UNC13C: variants seen among roughly 807,000 people sequenced by gnomAD.
UNC13C encodes protein unc-13 homolog C.
In UNC13C, 174 loss-of-function variants were observed where a neutral mutation model predicts 245.4. That is an observed-to-expected ratio of 0.71 (90% confidence interval 0.63 to 0.80). The LOEUF (loss-of-function observed/expected upper bound fraction) is 0.80. Among genes scored for constraint, UNC13C ranks in the 30% least tolerant of loss-of-function variants. UNC13C has a pLI of 0.00. For synonymous variants in UNC13C, 992 were observed against 895.1 expected, an observed-to-expected ratio of 1.11 and a Z score of -1.93; for missense variants, 2,829 against 2,602.9, an observed-to-expected ratio of 1.09 and a Z score of -1.89.
At chr15:53,882,551 AG>A in the UNC13C span, among the ~76,000 whole-genome samples, 2 of 152,290 alleles carry the variant, frequency 1.3e-5, no homozygotes, top group African/African-American at 4.8e-5. Flanking sequence ...TAGTCCTTTA[AG>A]AAAAGACATT....
chr15:54,285,936 G>A (rs559924960), intron 10 of UNC13C, among the ~76,000 whole-genome samples: 5 of 152,022 alleles, frequency 3.3e-5, no homozygotes, highest in African/African-American at 1.2e-4. Flanking sequence ...GGAGTGCAGT[G>A]GTGTTATCTC....
intron 2 of UNC13C, among the ~76,000 whole-genome samples, chr15:54,095,760 A>T (rs138484194): frequency 1.3e-5 from 2 of 152,244 alleles, no homozygotes; most frequent in African/African-American, 4.8e-5. Flanking sequence ...CAACAGTATT[A>T]TTCAACAAAT....
At chr15:54,133,055 T>C (rs2031524753) in intron 2 of UNC13C, among the ~76,000 whole-genome samples, 1 of 152,204 alleles carries the variant, frequency 6.6e-6, no homozygotes, top group Admixed American at 6.5e-5. Flanking sequence ...ATGTAGGCAT[T>C]AGGTATTATG....
At chr15:53,875,645 C>A in the UNC13C span, among the ~76,000 whole-genome samples, 1 of 152,132 alleles carries the variant, frequency 6.6e-6, no homozygotes, top group South Asian at 2.1e-4. Context: ...ATTGATTGAG[C>A]AGGGAAATGG....
chr15:54,217,015 G>T (rs1037961532), intron 4 of UNC13C, among the ~76,000 whole-genome samples: 1 of 151,962 alleles, frequency 6.6e-6, no homozygotes, highest in African/African-American at 2.4e-5. Flanking sequence ...TTCCAATAAA[G>T]AAAATCATTC....
intron 4 of UNC13C, among the ~76,000 whole-genome samples, chr15:54,211,175 C>T (rs12593199): frequency 0.053 from 8,073 of 152,092 alleles, 268 homozygotes; most frequent in East Asian, 0.1. Flanking sequence ...CTGTAAATTA[C>T]GCAGCTATTT....
chr15:54,028,891 C>T (rs1008147671), intron 2 of UNC13C, among the ~76,000 whole-genome samples: 1 of 151,918 alleles, frequency 6.6e-6, no homozygotes, highest in Admixed American at 6.6e-5. Context: ...TCACTGTGCT[C>T]CATTTCCTCA....
intron 30 of UNC13C, among the ~76,000 whole-genome samples, chr15:54,601,139 A>T (rs901465261): frequency 6.6e-6 from 1 of 152,238 alleles, no homozygotes; most frequent in East Asian, 1.9e-4. Context: ...AAACCCCTAC[A>T]TTCTCACAAT....
chr15:54,465,080 G>A (rs765590558), intron 19 of UNC13C, among the ~76,000 whole-genome samples: 6 of 151,964 alleles, frequency 3.9e-5, no homozygotes, highest in Middle Eastern at 3.2e-3. Context: ...ATATATTGAA[G>A]CTATTGTTAT....
intron 10 of UNC13C, among the ~76,000 whole-genome samples, chr15:54,284,937 C>T (rs1188875676): frequency 6.6e-6 from 1 of 152,048 alleles, no homozygotes; most frequent in Non-Finnish European, 1.5e-5. Context: ...TAGATATAAA[C>T]ATATAATACA....
At chr15:54,612,255 A>C (rs1437843292) in intron 30 of UNC13C, among the ~76,000 whole-genome samples, 2 of 146,434 alleles carry the variant, frequency 1.4e-5, no homozygotes, top group African/African-American at 5.2e-5. Flanking sequence ...GTATTTGTTT[A>C]AAATATATGC....
chr15:54,325,575 G>A (rs1480435267), intron 14 of UNC13C, among the ~76,000 whole-genome samples: 1 of 150,634 alleles, frequency 6.6e-6, no homozygotes, highest in Non-Finnish European at 1.5e-5. Context: ...CTCACCCCTC[G>A]ACAGGCCCCG....
intron 4 of UNC13C, among the ~76,000 whole-genome samples, chr15:54,205,943 A>T (rs1406295443): frequency 6.6e-6 from 1 of 152,058 alleles, no homozygotes; most frequent in African/African-American, 2.4e-5. Context: ...CATTCAGCAC[A>T]TCTAAGCACA....
intron 13 of UNC13C, among the ~76,000 whole-genome samples, chr15:54,312,714 G>C (rs994652249): frequency 2.6e-5 from 4 of 151,738 alleles, no homozygotes; most frequent in African/African-American, 9.7e-5. Flanking sequence ...TGCCTGGGGA[G>C]TCCATTAGCA....
intron 4 of UNC13C, among the ~76,000 whole-genome samples, chr15:54,169,996 T>C (rs1043788111): frequency 6.8e-5 from 5 of 73,126 alleles, no homozygotes; most frequent in Non-Finnish European, 9.6e-5. Context: ...CTTTTTCTTT[T>C]TTTTTTTTTT....
At position 54,325,005 on chromosome 15, in the gene UNC13C, G is replaced by A. The variant is rs139172589; in HGVS notation, c.4425+2910G>A. Among the ~76,000 whole-genome samples, 143 of 151,944 alleles carry A rather than the reference G, an allele frequency of 9.4e-4. 2 individuals are homozygous for A. The East Asian group carries it at 0.013, about 14-fold the overall frequency. ...CTCATCAGCTATCATTAGTGTTAGC[G>A]TATTTCATGTGTGGCCCAAGACAAT... On this transcript the variant is annotated intron_variant, in intron 14 of 32. Coordinates refer to ENST00000260323, the MANE Select transcript of UNC13C (RefSeq NM_001080534.3).
At chr15:53,861,997 C>T in the UNC13C span, among the ~76,000 whole-genome samples, 1 of 152,260 alleles carries the variant, frequency 6.6e-6, no homozygotes, top group Admixed American at 6.6e-5. Context: ...TGTGAAATGA[C>T]ACCAGATGTA....
chr15:54,351,603 C>A (rs1277374133), intron 17 of UNC13C, among the ~76,000 whole-genome samples: 1 of 151,976 alleles, frequency 6.6e-6, no homozygotes, highest in African/African-American at 2.4e-5. Flanking sequence ...CTTGGTAAAA[C>A]AATACAGCAA....
At chr15:54,178,420 C>G (rs1327186368) in intron 4 of UNC13C, among the ~76,000 whole-genome samples, 1 of 151,986 alleles carries the variant, frequency 6.6e-6, no homozygotes, top group Non-Finnish European at 1.5e-5. Context: ...AATTTTTAAG[C>G]TATTCATGAA....
Sources: allele counts gnomAD v4.1 joint callset (sites outside exome capture counted in the v4.1 genomes callset), GRCh38; gene constraint gnomAD v4.1.1; transcripts MANE v1.5; gene names NCBI Gene and HGNC (gene_info 2026-07-23, HGNC 2026-07-21).